TMEM273: variants seen among roughly 807,000 people sequenced by gnomAD.
TMEM273 encodes chromosome 10 open reading frame 128.
TMEM273 carries 19 observed loss-of-function variants against 17.9 expected under a neutral mutation model. That is an observed-to-expected ratio of 1.06 (90% CI 0.74 to 1.55). The LOEUF (loss-of-function observed/expected upper bound fraction) is 1.55, where lower values mean the gene tolerates loss of function less well. TMEM273 is among the 40% of genes most tolerant of loss of function. The pLI, the probability that TMEM273 is intolerant of heterozygous loss-of-function variation, is 0.00. For missense variants in TMEM273, 194 were observed against 155.6 expected (o/e 1.25, Z -1.31); for synonymous variants, 66 against 62.0 (o/e 1.07, Z -0.31).
intron 6 of TMEM273, among the ~76,000 whole-genome samples, chr10:49,157,794 C>T (rs960430076): frequency 6.6e-6 from 1 of 152,208 alleles, no homozygotes; most frequent in African/African-American, 2.4e-5. Flanking sequence ...GTTGTATGCA[C>T]ACTTTTTCCA....
At chr10:49,173,195 G>A (rs773455924) in intron 1 of TMEM273, among the ~76,000 whole-genome samples, 11 of 152,226 alleles carry the variant, frequency 7.2e-5, no homozygotes, top group African/African-American at 9.6e-5. Flanking sequence ...AGCTGTGCCC[G>A]AAGCACTTCT....
intron 1 of TMEM273, among the ~76,000 whole-genome samples, chr10:49,172,799 C>T (rs946564553): frequency 1.3e-5 from 2 of 152,202 alleles, no homozygotes; most frequent in Non-Finnish European, 1.5e-5. Context: ...CAAGCAAGCA[C>T]ACCACCACCT....
At chr10:49,166,713 T>C (rs1564627826) in intron 3 of TMEM273, 156 bp downstream of exon 3, 1 of 1,070,798 alleles carries the variant, frequency 9.3e-7, no homozygotes, top group East Asian at 2.5e-5. Flanking sequence ...AAAGGGTTAG[T>C]GAGAGAGACA....
Position 49,155,439 on chromosome 10 carries a change from G to A in TMEM273, c.*453C>T. ...TCCATCTTTAAGAAGGGATCTCCTG[G>A]CAGCTAAGAGGGTGAAGCTAATCGT... On this transcript the variant is annotated 3_prime_UTR_variant, in exon 7 of 7. Transcript: ENST00000374153. The A allele has an allele frequency of 1.1e-5, 2 of 181,806 alleles. No homozygotes were observed. The highest frequency in any genetic ancestry group is 2.5e-4 in the South Asian group (2 of 7,898). The allele number at this position is 181,806 out of a possible 1,614,324, so 11.3% of individuals were successfully genotyped here. A position where few individuals can be genotyped will look rare whatever the true frequency, so the allele number is the denominator to read the frequency against.
At chr10:49,172,504 AC>A (rs1846642292) in intron 1 of TMEM273, among the ~76,000 whole-genome samples, 1 of 151,120 alleles carries the variant, frequency 6.6e-6, no homozygotes, top group Non-Finnish European at 1.5e-5. Flanking sequence ...CCACAGCCAG[AC>A]CCCCAGCCAA....
intron 1 of TMEM273, among the ~76,000 whole-genome samples, chr10:49,169,925 G>A (rs1846443776): frequency 6.6e-6 from 1 of 152,236 alleles, no homozygotes; most frequent in South Asian, 2.1e-4. Flanking sequence ...CTGGGCAGAA[G>A]GCAGGAGGAC....
intron 5 of TMEM273, among the ~76,000 whole-genome samples, chr10:49,163,045 G>T (rs980901705): frequency 7.9e-5 from 12 of 152,144 alleles, no homozygotes; most frequent in Non-Finnish European, 7.3e-5. Context: ...AGGTGCCGCA[G>T]CTGCACACTT....
intron 1 of TMEM273, among the ~76,000 whole-genome samples, chr10:49,183,679 T>C (rs1333260322): frequency 6.6e-6 from 1 of 152,186 alleles, no homozygotes; most frequent in Admixed American, 6.5e-5. Flanking sequence ...CTTTAATCTC[T>C]CTGTGCCTCA....
intron 3 of TMEM273, 30 bp from the exon 4 acceptor site, chr10:49,165,826 G>A: frequency 2.5e-6 from 4 of 1,613,992 alleles, no homozygotes; most frequent in Non-Finnish European, 3.4e-6. Flanking sequence ...CATTAGGAAG[G>A]GGGTCGTGTG....
At chr10:49,184,061 G>A (rs1847517837) in intron 1 of TMEM273, among the ~76,000 whole-genome samples, 1 of 152,098 alleles carries the variant, frequency 6.6e-6, no homozygotes, top group Non-Finnish European at 1.5e-5. Context: ...CATAGAATAT[G>A]TTTGCAATAT....
Position 49,171,000 on chromosome 10 carries a change from C to T in TMEM273, c.44-3038G>A, listed in dbSNP as rs77116869. Among the ~76,000 whole-genome samples, 394 of 152,322 alleles carry T rather than the reference C, an allele frequency of 2.6e-3. 2 individuals are homozygous for T. The highest frequency in any genetic ancestry group is 0.014 in the Middle Eastern group (4 of 294). ...ATCACAGCCAGAGGTCTCTGGAGTGCCTCGGCTGCATTTAGATCTGTGGGA... is the reference window on the plus strand; with the variant it reads ...ATCACAGCCAGAGGTCTCTGGAGTGTCTCGGCTGCATTTAGATCTGTGGGA... On this transcript the variant is annotated intron_variant, in intron 1 of 6. Transcript: ENST00000374153.
rs7919424 is a variant in TMEM273, at chr10:49,176,480, G to A, written c.44-8518C>T. Among the ~76,000 whole-genome samples the A allele has an allele frequency of 6.3e-5, 9 of 142,268 alleles. 1 individual carries two copies. The highest frequency in any genetic ancestry group is 5.4e-4 in the Admixed American group (8 of 14,764). The allele number at this position is 142,268 out of a possible 152,430, so 93.3% of individuals were successfully genotyped here. ...CAACTCTCAGGGCATGCCTTGCAGA[G>A]AGAGCAGGGGAGGCTGGAAGCCGTG... On this transcript the variant is annotated intron_variant, in intron 1 of 6. Coordinates refer to ENST00000374153, the MANE Select transcript of TMEM273 (RefSeq NM_001288740.3).
At chr10:49,156,208 G>A in intron 6 of TMEM273, 4 of 1,429,806 alleles carry the variant, frequency 2.8e-6, no homozygotes, top group Non-Finnish European at 3.7e-6. Context: ...GCATATTTTG[G>A]GAAACTTTTC....
Position 49,155,905 on chromosome 10 carries a change from C to A in TMEM273, c.377G>T (p.Cys126Phe). ...CTCACCTACAGCTCAATCACCTGTGCATCTCTGGAAAGGAAGAGAACCATC... is the reference window on the plus strand; with the variant it reads ...CTCACCTACAGCTCAATCACCTGTGAATCTCTGGAAAGGAAGAGAACCATC... ...KAKPQFLQKR[C>F]TGD Residue 126 changes from cysteine (C) to phenylalanine (F), a missense_variant, in exon 7 of 7, where the codon TGC becomes TTC. Physicochemically the swap from Cys to Phe is radical, Grantham distance 205. Transcript: ENST00000374153. 1 of 1,614,154 alleles carries A rather than the reference C, an allele frequency of 6.2e-7. No individual in the cohort carries two copies. Among genetic ancestry groups the A allele is most frequent in the South Asian group, 1.1e-5 (1 of 91,080 alleles).
intron 5 of TMEM273, 54 bp from the exon 6 acceptor site, chr10:49,161,676 AC>A: frequency 6.2e-7 from 1 of 1,610,414 alleles, no homozygotes. Flanking sequence ...AGCCAGAAAG[AC>A]AATGCAAAAC....
rs1027952442 is a variant in TMEM273 at position 49,163,802 on chromosome 10, G to A, written c.348+1403C>T. Among the ~76,000 whole-genome samples the A allele has an allele frequency of 5.9e-5, 9 of 152,102 alleles. No homozygotes were observed. In the South Asian group the frequency reaches 1.9e-3, roughly 32 times the overall value. On this transcript the variant is annotated intron_variant, in intron 5 of 6. Coordinates refer to ENST00000374153, the MANE Select transcript of TMEM273 (RefSeq NM_001288740.3). ...TGCTTCACAATCAGAAACCACTGCT[G>A]AAAACTAGAATATCTGTAGGAGGAG...
At chr10:49,170,063 T>C (rs1339752599) in intron 1 of TMEM273, among the ~76,000 whole-genome samples, 1 of 152,150 alleles carries the variant, frequency 6.6e-6, no homozygotes, top group East Asian at 1.9e-4. Context: ...GGCATTGCTC[T>C]CACTTGCAGT....
chr10:49,174,021 C>A (rs1254556702), intron 1 of TMEM273, among the ~76,000 whole-genome samples: 1 of 152,070 alleles, frequency 6.6e-6, no homozygotes, highest in Non-Finnish European at 1.5e-5. Context: ...AGGGAGACAG[C>A]CCAGCTATGC....
chr10:49,165,077 GA>G lies in TMEM273; in HGVS notation c.348+127del, dbSNP rs930922559. The G allele has an allele frequency of 8.9e-6, 12 of 1,351,672 alleles. No individual in the cohort carries two copies. The Admixed American group carries it at 1.2e-4, about 14-fold the overall frequency. The allele number at this position is 1,351,672 out of a possible 1,614,324, so 83.7% of individuals were successfully genotyped here. A position where few individuals can be genotyped will look rare whatever the true frequency, so the allele number is the denominator to read the frequency against. On this transcript the variant is annotated intron_variant, in intron 5 of 6. Coordinates refer to ENST00000374153, the MANE Select transcript of TMEM273 (RefSeq NM_001288740.3). ...CTACCCGCCCGGAGCTTACATTTTA[GA>G]AAAAAACCCATGCAAAATAGACAAA...
Sources: allele counts gnomAD v4.1 joint callset (sites outside exome capture counted in the v4.1 genomes callset), GRCh38; gene constraint gnomAD v4.1.1; transcripts MANE v1.5; gene names NCBI Gene and HGNC (gene_info 2026-07-23, HGNC 2026-07-21).